The following PTCH1 variants were observed in gnomAD, a reference collection of about 807,000 sequenced individuals.
PTCH1 encodes the protein patched 1.
PTCH1 carries 14 observed loss-of-function variants against 144.6 expected under a neutral mutation model. That is an observed-to-expected ratio of 0.10 (90% CI 0.06 to 0.15). The LOEUF (loss-of-function observed/expected upper bound fraction) is 0.15. Among genes scored for constraint, PTCH1 ranks in the 10% least tolerant of loss-of-function variants. PTCH1 has a pLI of 1.00. For synonymous variants in PTCH1, 833 were observed against 793.6 expected, an observed-to-expected ratio of 1.05 and a Z score of -0.83; for missense variants, 1,623 against 1,948.3, an observed-to-expected ratio of 0.83 and a Z score of 3.14.
intron 14 of PTCH1, among the ~76,000 whole-genome samples, chr9:95,468,263 C>T (rs2036963): frequency 0.065 from 9,889 of 152,166 alleles, 454 homozygotes; most frequent in Non-Finnish European, 0.095. Context: ...CATCATGTTG[C>T]CTGGGCTGTT....
intron 15 of PTCH1, among the ~76,000 whole-genome samples, chr9:95,463,450 G>A (rs1017102867): frequency 1.3e-5 from 2 of 152,152 alleles, no homozygotes; most frequent in African/African-American, 4.8e-5. Flanking sequence ...TGCACACACA[G>A]GGTACTGAGC....
intron 2 of PTCH1, among the ~76,000 whole-genome samples, chr9:95,499,548 C>G (rs1158486020): frequency 2.0e-5 from 3 of 151,442 alleles, no homozygotes; most frequent in African/African-American, 7.3e-5. Context: ...GTTCTGGGAG[C>G]CAGCGAGGGG....
intron 20 of PTCH1, chr9:95,453,075 G>T: frequency 3.1e-6 from 1 of 324,130 alleles, no homozygotes; most frequent in Non-Finnish European, 6.0e-6. Flanking sequence ...ACGATGACGA[G>T]GTGCTGCAAT....
At chr9:95,499,095 G>A (rs1186501972) in intron 2 of PTCH1, among the ~76,000 whole-genome samples, 2 of 152,056 alleles carry the variant, frequency 1.3e-5, no homozygotes, top group Admixed American at 1.3e-4. Context: ...CTGTCCATGC[G>A]CCACGGTAAG....
intron 2 of PTCH1, among the ~76,000 whole-genome samples, chr9:95,492,760 A>G (rs1409636346): frequency 6.6e-6 from 1 of 151,924 alleles, no homozygotes; most frequent in Non-Finnish European, 1.5e-5. Context: ...AATAATCCGT[A>G]TTTTTATTTA....
In PTCH1 at chr9:95,461,880, G is replaced by T. The variant is rs752658093; in HGVS notation, c.2679C>A (p.Arg893=). The T allele has an allele frequency of 6.2e-7, 1 of 1,614,244 alleles. No individual in the cohort carries two copies. The highest frequency in any genetic ancestry group is 8.5e-7 in the Non-Finnish European group (1 of 1,180,054). Residue 893 remains arginine (R), a synonymous_variant, in exon 16 of 24, where the codon CGC becomes CGA. Transcript: ENST00000331920. ...CCTGGCTGATGTCGATGGGCTTATC[G>T]CGGCTGCCGGTTTGCACCAGGAGTT... ...AYKLLVQTGS[R]DKPIDISQLT...
At chr9:95,504,542 C>T (rs1564084763) in intron 2 of PTCH1, among the ~76,000 whole-genome samples, 1 of 152,152 alleles carries the variant, frequency 6.6e-6, no homozygotes, top group African/African-American at 2.4e-5. Context: ...GGTGGATGAG[C>T]CGGCCCTCCC....
intron 2 of PTCH1, among the ~76,000 whole-genome samples, chr9:95,486,327 T>C (rs1412683699): frequency 6.6e-6 from 1 of 152,204 alleles, no homozygotes; most frequent in Non-Finnish European, 1.5e-5. Flanking sequence ...TTCTCCTCTG[T>C]GGAAAAAGAA....
At chr9:95,494,195 T>G (rs1040102989) in intron 2 of PTCH1, 5 of 985,132 alleles carry the variant, frequency 5.1e-6, no homozygotes, top group Non-Finnish European at 6.0e-6. Context: ...CACCAGCTGC[T>G]GGCAGTGCCA....
At chr9:95,463,202 T>G (rs1280970604) in intron 15 of PTCH1, among the ~76,000 whole-genome samples, 1 of 152,148 alleles carries the variant, frequency 6.6e-6, no homozygotes, top group Non-Finnish European at 1.5e-5. Flanking sequence ...GTGCTCAGAA[T>G]GGTTAAGCTC....
At chr9:95,515,518 C>A (rs1054328364) in intron 1 of PTCH1, among the ~76,000 whole-genome samples, 1 of 152,198 alleles carries the variant, frequency 6.6e-6, no homozygotes. Context: ...ACGCTAGCAT[C>A]ATTTTAAACA....
intron 1 of PTCH1, chr9:95,507,193 CTG>C: frequency 3.0e-6 from 3 of 985,562 alleles, no homozygotes; most frequent in Non-Finnish European, 3.6e-6. Flanking sequence ...GCTGTGTGAG[CTG>C]AATTAGGAAG....
intron 2 of PTCH1, among the ~76,000 whole-genome samples, chr9:95,490,582 C>G (rs985321404): frequency 6.7e-6 from 1 of 148,898 alleles, no homozygotes; most frequent in African/African-American, 2.5e-5. Flanking sequence ...ATGAGAGCTA[C>G]TTGGTAGAGA....
chr9:95,477,034 A>G (rs952461041), intron 10 of PTCH1, among the ~76,000 whole-genome samples, 177 bp from the exon 11 acceptor site: 3 of 152,230 alleles, frequency 2.0e-5, no homozygotes, highest in African/African-American at 7.2e-5. Flanking sequence ...CTCACAGGAG[A>G]TCCTGCACGT....
chr9:95,448,933 A>G (rs1838191186), intron 22 of PTCH1, 136 bp downstream of exon 22: 1 of 1,219,320 alleles, frequency 8.2e-7, no homozygotes, highest in East Asian at 2.5e-5. Flanking sequence ...CTATGATTTG[A>G]CCTAGTCTGT....
At chr9:95,485,951 G>T in intron 2 of PTCH1, 77 bp from the exon 3 acceptor site, 1 of 1,494,566 alleles carries the variant, frequency 6.7e-7, no homozygotes, top group Non-Finnish European at 9.3e-7. Flanking sequence ...CTGACTACCT[G>T]CCATAGGATA....
intron 15 of PTCH1, among the ~76,000 whole-genome samples, chr9:95,465,490 G>A (rs1337587113): frequency 2.0e-5 from 3 of 152,208 alleles, no homozygotes; most frequent in Non-Finnish European, 4.4e-5. Flanking sequence ...GTTCGTCTCA[G>A]GAGGGTGTTA....
At chr9:95,494,251 C>T (rs2118702525) in intron 2 of PTCH1, 1 of 985,604 alleles carries the variant, frequency 1.0e-6, no homozygotes. Flanking sequence ...ATGGCTTTCC[C>T]TGACGCAGAC....
chr9:95,460,518 C>T (rs929291654), intron 16 of PTCH1, among the ~76,000 whole-genome samples: 1 of 152,150 alleles, frequency 6.6e-6, no homozygotes, highest in African/African-American at 2.4e-5. Context: ...AGATTCAGGC[C>T]TCATTCCTCG....
Sources: allele counts gnomAD v4.1 joint callset (sites outside exome capture counted in the v4.1 genomes callset), GRCh38; gene constraint gnomAD v4.1.1; transcripts MANE v1.5; gene names NCBI Gene and HGNC (gene_info 2026-07-23, HGNC 2026-07-21).